The following PRKCQ variants were observed in gnomAD, a reference collection of about 807,000 sequenced individuals.
The protein encoded by PRKCQ is protein kinase C theta.
A neutral mutation model predicts 91.2 loss-of-function variants in PRKCQ; 41 were observed. That is an observed-to-expected ratio of 0.45 (90% CI 0.35 to 0.58). The LOEUF (loss-of-function observed/expected upper bound fraction) is 0.58, where lower values mean the gene tolerates loss of function less well. PRKCQ is among the 20% of genes least tolerant of loss of function. The pLI is 0.00. For synonymous variants in PRKCQ, 307 were observed against 316.9 expected, an observed-to-expected ratio of 0.97 and a Z score of 0.33; for missense variants, 673 against 896.5, an observed-to-expected ratio of 0.75 and a Z score of 3.18.
intron 1 of PRKCQ, among the ~76,000 whole-genome samples, chr10:6,547,919 AG>A (rs1222943776): frequency 6.7e-6 from 1 of 150,214 alleles, no homozygotes; most frequent in Admixed American, 6.6e-5. Context: ...GCACAGCAAA[AG>A]AAACTACCAT....
chr10:6,447,406 CAAAAAAA>C (rs151312430), intron 15 of PRKCQ, among the ~76,000 whole-genome samples: 2 of 119,584 alleles, frequency 1.7e-5, no homozygotes, highest in African/African-American at 6.4e-5. Context: ...GACTCCACCT[CAAAAAAA>C]AAAAAAAAAA....
At chr10:6,524,815 G>A (rs895305606) in intron 1 of PRKCQ, among the ~76,000 whole-genome samples, 2 of 152,322 alleles carry the variant, frequency 1.3e-5, no homozygotes, top group East Asian at 3.9e-4. Context: ...CTGGATCCTC[G>A]GGCCCCAGCT....
At chr10:6,420,818 C>G in the PRKCQ span, among the ~76,000 whole-genome samples, 1 of 152,160 alleles carries the variant, frequency 6.6e-6, no homozygotes, top group Non-Finnish European at 1.5e-5. Context: ...AAAAACTTCT[C>G]TCTCTCTCAT....
Position 6,428,336 on chromosome 10 carries a change from G to A in PRKCQ, c.1992C>T (p.Phe664=), listed in dbSNP as rs199683513. 386 of 1,613,894 alleles carry A rather than the reference G, an allele frequency of 2.4e-4. No individual in the cohort carries two copies. Among genetic ancestry groups the A allele is most frequent in the Non-Finnish European group, 3.0e-4 (351 of 1,179,916 alleles). Residue 664 remains phenylalanine (F), a synonymous_variant, in exon 18 of 18, where the codon TTC becomes TTT. Coordinates refer to ENST00000263125, the MANE Select transcript of PRKCQ (RefSeq NM_006257.5). ...GCTTCTCGTTTAAGAATTCTTTGTC[G>A]AAATTGCTGCAGTCAAATGGTGATT... ...KVKSPFDCSN[F]DKEFLNEKPR...
chr10:6,408,261 T>A, the PRKCQ span, among the ~76,000 whole-genome samples: 12 of 152,166 alleles, frequency 7.9e-5, no homozygotes, highest in African/African-American at 2.9e-4. Flanking sequence ...CTTTGACATA[T>A]TATTCTGTGT....
rs368234215 is a variant in PRKCQ, at chr10:6,441,958, T to C, written c.1771A>G (p.Ile591Val). The stretch of plus-strand genomic sequence containing the variant: ...GGGTAAAAGGGATTGTCCATGCGGA[T>C]GGAGTGGAAGAGCTCCTCCTCATCC... The part of the protein sequence containing the change: ...GQDEEELFHS[I>V]RMDNPFYPRW... Residue 591 changes from isoleucine to valine, a missense_variant, in exon 16 of 18, where the codon ATC (isoleucine) becomes GTC (valine). Coordinates refer to ENST00000263125, the MANE Select transcript of PRKCQ (RefSeq NM_006257.5). 2.5e-6 allele frequency: 4 copies of C among 1,614,060 alleles called. No individual in the cohort carries two copies. Among genetic ancestry groups the C allele is most frequent in the Non-Finnish European group, 3.4e-6 (4 of 1,179,984 alleles).
the PRKCQ span, among the ~76,000 whole-genome samples, chr10:6,397,536 T>C: frequency 6.6e-6 from 1 of 152,258 alleles, no homozygotes; most frequent in Non-Finnish European, 1.5e-5. Context: ...ACTTCCTTGA[T>C]AGTGTTGTTT....
At chr10:6,477,854 T>C (rs1836356105) in intron 12 of PRKCQ, among the ~76,000 whole-genome samples, 1 of 151,974 alleles carries the variant, frequency 6.6e-6, no homozygotes, top group South Asian at 2.1e-4. Flanking sequence ...GGCGACAGAG[T>C]GAGACTCCGT....
At chr10:6,476,458 TAAC>T (rs1227174269) in intron 12 of PRKCQ, among the ~76,000 whole-genome samples, 2 of 152,210 alleles carry the variant, frequency 1.3e-5, no homozygotes, top group African/African-American at 2.4e-5. Context: ...ACCTCCCAAT[TAAC>T]AACTGTTAGT....
intron 16 of PRKCQ, among the ~76,000 whole-genome samples, chr10:6,441,205 A>T (rs560156384): frequency 6.6e-6 from 1 of 152,176 alleles, no homozygotes; most frequent in African/African-American, 2.4e-5. Flanking sequence ...CAAAAGACTG[A>T]GTAAAATAAA....
chr10:6,496,312 A>G (rs1460785990), intron 7 of PRKCQ, among the ~76,000 whole-genome samples: 5 of 151,944 alleles, frequency 3.3e-5, no homozygotes, highest in Admixed American at 3.3e-4. Flanking sequence ...ATTCATAATG[A>G]TACACTGCCC....
chr10:6,420,166 T>G, the PRKCQ span, among the ~76,000 whole-genome samples: 1 of 152,164 alleles, frequency 6.6e-6, no homozygotes, highest in Non-Finnish European at 1.5e-5. Context: ...TTTTTGTATT[T>G]TTAGTAGAGA....
At chr10:6,475,730 C>T (rs887896982) in intron 12 of PRKCQ, among the ~76,000 whole-genome samples, 21 of 152,228 alleles carry the variant, frequency 1.4e-4, no homozygotes, top group Admixed American at 7.2e-4. Flanking sequence ...ATCCATATCA[C>T]GTATCAATCG....
At chr10:6,413,729 G>GCA in the PRKCQ span, among the ~76,000 whole-genome samples, 7 of 72,010 alleles carry the variant, frequency 9.7e-5, 2 homozygotes, top group East Asian at 4.8e-4. Context: ...ACTTGTGCGC[G>GCA]CGCACACACA....
chr10:6,405,969 G>A, the PRKCQ span, among the ~76,000 whole-genome samples: 1 of 152,200 alleles, frequency 6.6e-6, no homozygotes, highest in Admixed American at 6.5e-5. Context: ...CCTCAAGTCA[G>A]GCATGTTGCT....
chr10:6,555,852 A>G (rs1409053680), intron 1 of PRKCQ, among the ~76,000 whole-genome samples: 1 of 152,122 alleles, frequency 6.6e-6, no homozygotes, highest in Non-Finnish European at 1.5e-5. Flanking sequence ...TCTACTAAAA[A>G]AACAAAAATT....
In PRKCQ at chr10:6,483,821, G is replaced by C. The variant is rs12247216; in HGVS notation, c.1019-221C>G. 8.4e-3 allele frequency among the ~76,000 whole-genome samples: 1,273 copies of C among 152,298 alleles called. 12 individuals carry two copies. The highest frequency in any genetic ancestry group is 0.029 in the African/African-American group (1,215 of 41,560). On this transcript the variant is annotated intron_variant, in intron 10 of 17. Coordinates refer to ENST00000263125, the MANE Select transcript of PRKCQ (RefSeq NM_006257.5). ...GTGAGCCTGGCATTTGGATTTTGGA[G>C]TGTGGACTATGTCTCTTTCTTCAAT...
chr10:6,397,907 A>T, the PRKCQ span, among the ~76,000 whole-genome samples: 8 of 152,186 alleles, frequency 5.3e-5, no homozygotes, highest in Admixed American at 1.3e-4. Context: ...CCTAGGCAAC[A>T]AGCACGAGAC....
downstream of PRKCQ, among the ~76,000 whole-genome samples, chr10:6,424,484 T>G (rs561174126): frequency 6.6e-6 from 1 of 152,006 alleles, no homozygotes; most frequent in Non-Finnish European, 1.5e-5. Flanking sequence ...TTCCCCGAAG[T>G]TGGGAAAGGA....
Sources: gnomAD v4.1 joint callset for allele counts (sites outside exome capture counted in the v4.1 genomes callset) on GRCh38, gnomAD v4.1.1 for gene constraint, MANE v1.5 for transcripts, NCBI Gene and HGNC (gene_info 2026-07-23, HGNC 2026-07-21) for gene names.